Variants in MIS18A observed in about 807,000 individuals in gnomAD.
The protein encoded by MIS18A is protein Mis18-alpha.
In MIS18A, 14 loss-of-function variants were observed where a neutral mutation model predicts 25.0. The ratio of observed to expected loss-of-function variants is 0.56; its 90% CI spans 0.37 to 0.88. The LOEUF (loss-of-function observed/expected upper bound fraction) is 0.88. Ranked by LOEUF, MIS18A falls within the 40% of genes least tolerant of loss-of-function variation. The pLI is 0.00. For synonymous variants in MIS18A, 134 were observed against 118.6 expected (o/e 1.13, Z -0.84); for missense variants, 292 against 290.8 (o/e 1.00, Z -0.03).
chr21:32,245,174 C>T, the MIS18A span, among the ~76,000 whole-genome samples: 2 of 152,162 alleles, frequency 1.3e-5, no homozygotes, highest in Admixed American at 6.5e-5. Context: ...TCTGGAAGAC[C>T]ACCTCCTGGA....
chr21:32,221,386 CATAAGTAA>C, the MIS18A span, among the ~76,000 whole-genome samples: 1 of 152,100 alleles, frequency 6.6e-6, no homozygotes, highest in East Asian at 1.9e-4. Context: ...AACTAAGCTT[CATAAGTAA>C]AGGAGAAATA....
chr21:32,196,861 A>C, the MIS18A span, among the ~76,000 whole-genome samples: 19 of 152,216 alleles, frequency 1.2e-4, no homozygotes, highest in African/African-American at 4.6e-4. Context: ...AGATTGATAG[A>C]AAGATAGGCA....
the MIS18A span, among the ~76,000 whole-genome samples, chr21:32,223,994 A>G: frequency 6.6e-6 from 1 of 152,248 alleles, no homozygotes. Flanking sequence ...AATAAATGTA[A>G]TCCATCACAT....
At chr21:32,233,663 G>C in the MIS18A span, among the ~76,000 whole-genome samples, 1 of 152,160 alleles carries the variant, frequency 6.6e-6, no homozygotes, top group Non-Finnish European at 1.5e-5. Flanking sequence ...CCTCCTGGGA[G>C]CTGTAATTCG....
chr21:32,270,409 T>C lies in MIS18A; in HGVS notation c.522A>G (p.Glu174=), dbSNP rs1455821593. The C allele has an allele frequency of 1.9e-6, 3 of 1,613,996 alleles. No homozygotes were observed. Among genetic ancestry groups the C allele is most frequent in the Non-Finnish European group, 2.5e-6 (3 of 1,179,964 alleles). ...DLFCLSVEAI[E]SYVLGSSEKQ... ...AAACATTTATATATCAAACTTACCT[T>C]TCAATGGCTTCAACACTGAGGCAAA... Residue 174 remains glutamate, a splice_region_variant and synonymous_variant, in exon 3 of 5, where the codon GAA becomes GAG. Coordinates refer to ENST00000290130, the MANE Select transcript of MIS18A (RefSeq NM_018944.3).
At chr21:32,174,185 G>A in the MIS18A span, among the ~76,000 whole-genome samples, 3,774 of 151,664 alleles carry the variant, frequency 0.025, 146 homozygotes, top group African/African-American at 0.085. Flanking sequence ...GGCTCATCTC[G>A]ATCTCCTGAC....
chr21:32,179,094 TA>T, the MIS18A span, among the ~76,000 whole-genome samples: 1 of 151,428 alleles, frequency 6.6e-6, no homozygotes, highest in Non-Finnish European at 1.5e-5. Context: ...TACTCTCTTT[TA>T]TTTTTTTAAA....
chr21:32,278,555 G>C, intron 1 of MIS18A, 126 bp downstream of exon 1: 1 of 1,034,500 alleles, frequency 9.7e-7, no homozygotes, highest in Non-Finnish European at 1.4e-6. Flanking sequence ...CACACTCTCA[G>C]ACTTTTTGCT....
At chr21:32,231,263 A>G in the MIS18A span, among the ~76,000 whole-genome samples, 11 of 152,074 alleles carry the variant, frequency 7.2e-5, no homozygotes, top group African/African-American at 2.7e-4. Flanking sequence ...GACAACCCAC[A>G]AAATGGGGGA....
the MIS18A span, among the ~76,000 whole-genome samples, chr21:32,191,347 T>G: frequency 6.6e-6 from 1 of 152,140 alleles, no homozygotes; most frequent in Admixed American, 6.5e-5. Context: ...CCCAACCACT[T>G]GGGAGGCTGA....
At chr21:32,219,803 C>A in the MIS18A span, among the ~76,000 whole-genome samples, 1 of 152,126 alleles carries the variant, frequency 6.6e-6, no homozygotes. Context: ...GGGGCATCCA[C>A]CATTACTGAG....
At chr21:32,211,498 C>T in the MIS18A span, among the ~76,000 whole-genome samples, 3 of 152,234 alleles carry the variant, frequency 2.0e-5, no homozygotes, top group Admixed American at 1.3e-4. Flanking sequence ...GACACCATCT[C>T]CTAATGATAG....
chr21:32,197,385 C>CTA, the MIS18A span, among the ~76,000 whole-genome samples: 2 of 152,336 alleles, frequency 1.3e-5, no homozygotes, highest in Non-Finnish European at 2.9e-5. Context: ...CACTGCCCAT[C>CTA]TATAGTTCTT....
the MIS18A span, among the ~76,000 whole-genome samples, chr21:32,203,496 TA>T: frequency 0.096 from 12,303 of 128,632 alleles, 512 homozygotes; most frequent in Middle Eastern, 0.13. Flanking sequence ...CTTGGGAGCT[TA>T]AAAAAAAAAA....
chr21:32,235,597 G>A, the MIS18A span, among the ~76,000 whole-genome samples: 2 of 152,142 alleles, frequency 1.3e-5, no homozygotes, highest in African/African-American at 2.4e-5. Flanking sequence ...GGAAAAATAC[G>A]AACAAATGGG....
intron 1 of MIS18A, chr21:32,277,906 G>T (rs2031845959): frequency 6.6e-6 from 1 of 152,176 alleles, no homozygotes; most frequent in South Asian, 2.1e-4. Context: ...CGATAAGCCG[G>T]TGGTGAATTA....
the MIS18A span, among the ~76,000 whole-genome samples, chr21:32,261,862 A>G: frequency 6.6e-6 from 1 of 152,238 alleles, no homozygotes; most frequent in Non-Finnish European, 1.5e-5. Flanking sequence ...AGAGAATCTC[A>G]AGGGAGGGAC....
chr21:32,180,319 A>G, the MIS18A span, among the ~76,000 whole-genome samples: 1 of 152,302 alleles, frequency 6.6e-6, no homozygotes, highest in East Asian at 1.9e-4. Context: ...TCCAAAAAAC[A>G]GGACAGCAGC....
downstream of MIS18A, among the ~76,000 whole-genome samples, chr21:32,266,286 T>C (rs1394414567): frequency 2.6e-5 from 4 of 152,120 alleles, no homozygotes; most frequent in Admixed American, 2.0e-4. Context: ...AGCTCAGGGA[T>C]TGTAAACGCA....
Sources: allele counts gnomAD v4.1 joint callset (sites outside exome capture counted in the v4.1 genomes callset), GRCh38; gene constraint gnomAD v4.1.1; transcripts MANE v1.5; gene names NCBI Gene and HGNC (gene_info 2026-07-23, HGNC 2026-07-21).